Variants in SERPINA7 observed in about 807,000 individuals in gnomAD.
SERPINA7 encodes the protein serpin family A member 7.
SERPINA7 carries 14 observed loss-of-function variants against 16.0 expected under a neutral mutation model. The observed-to-expected ratio is 0.88, with a 90% CI of 0.58 to 1.37. The LOEUF (loss-of-function observed/expected upper bound fraction) is 1.37, where lower values mean the gene tolerates loss of function less well. Ranked by LOEUF, SERPINA7 falls within the 40% of genes most tolerant of loss-of-function variation. SERPINA7 has a pLI of 0.00. For synonymous variants in SERPINA7, 140 were observed against 111.0 expected (o/e 1.26, Z -1.65); for missense variants, 335 against 296.6 (o/e 1.13, Z -0.95).
intron 2 of SERPINA7, 71 bp from the exon 3 acceptor site, chrX:106,035,456 G>A: frequency 9.6e-7 from 1 of 1,039,040 alleles, no homozygotes; most frequent in African/African-American, 1.8e-5. Flanking sequence ...TTTTCCATTA[G>A]TGATTTCATT....
chrX:106,034,560 C>G (rs1311446465), intron 3 of SERPINA7, among the ~76,000 whole-genome samples, 178 bp from the exon 4 acceptor site: 1 of 112,358 alleles, frequency 8.9e-6, no homozygotes, highest in Admixed American at 9.4e-5. Context: ...GAAAGGAATG[C>G]ACTCAGGTAC....
chrX:106,037,036 A>G lies in SERPINA7; in HGVS notation c.23T>C (p.Val8Ala). The G allele has an allele frequency of 1.7e-6, 2 of 1,209,956 alleles. No homozygotes were observed. MSPFLYL[V>A]LLVLGLHATI... The stretch of plus-strand genomic sequence containing the variant: ...AGCATGAAGCCCAAGTACCAAGAGA[A>G]CCAGATACAGGAATGGTGACATTTT... Residue 8 changes from valine to alanine, a missense_variant, in exon 2 of 5, where the codon GTT becomes GCT. By Grantham distance (64) the Val-to-Ala change is moderately conservative. Coordinates refer to ENST00000372563, the MANE Select transcript of SERPINA7 (RefSeq NM_000354.6).
intron 3 of SERPINA7, among the ~76,000 whole-genome samples, chrX:106,034,639 C>G (rs1012616801): frequency 8.9e-6 from 1 of 111,939 alleles, no homozygotes; most frequent in Non-Finnish European, 1.9e-5. Context: ...GAAAATATCC[C>G]TGAGGTGACG....
chrX:106,033,854 T>G (rs1047652861), intron 4 of SERPINA7, 151 bp from the exon 5 acceptor site: 1 of 1,031,993 alleles, frequency 9.7e-7, no homozygotes, highest in African/African-American at 1.9e-5. Context: ...CTCTGCTAAA[T>G]GTAGTCAATC....
chrX:106,033,723 C>T lies in SERPINA7; in HGVS notation c.1045-20G>A. On this transcript the variant is annotated intron_variant, in intron 4 of 4. Coordinates refer to ENST00000372563, the MANE Select transcript of SERPINA7 (RefSeq NM_000354.6). ...GGCAGCCTGTGTGGGGAGAACAAAT[C>T]CTGCGGGTCTCTGAAGAAACAGGAA... The T allele has an allele frequency of 8.3e-7, 1 of 1,210,980 alleles. No homozygotes were observed. Among genetic ancestry groups the T allele is most frequent in the Non-Finnish European group, 1.1e-6 (1 of 895,050 alleles).
chrX:106,033,912 T>A, intron 4 of SERPINA7: 1 of 733,482 alleles, frequency 1.4e-6, no homozygotes, highest in Non-Finnish European at 1.9e-6. Flanking sequence ...CCTCATTCAC[T>A]ATGGCCTGCT....
intron 3 of SERPINA7, 69 bp from the exon 4 acceptor site, chrX:106,034,451 C>A (rs2041433174): frequency 2.1e-6 from 2 of 952,703 alleles, no homozygotes; most frequent in East Asian, 6.2e-5. Context: ...CCTTCTCTCT[C>A]TCATGATGGT....
chrX:106,038,489 C>T (rs887191042), intron 1 of SERPINA7, among the ~76,000 whole-genome samples: 1 of 111,137 alleles, frequency 9.0e-6, no homozygotes, highest in African/African-American at 3.3e-5. Flanking sequence ...GTTCACCACT[C>T]TATCCAATCT....
chrX:106,034,126 G>T (rs774424226), intron 4 of SERPINA7, 109 bp downstream of exon 4: 2 of 764,650 alleles, frequency 2.6e-6, no homozygotes, highest in Non-Finnish European at 4.0e-6. Flanking sequence ...GAGTCACACC[G>T]CCTCTCTAGG....
chrX:106,033,630 G>A lies in SERPINA7; in HGVS notation c.1118C>T (p.Ser373Leu), dbSNP rs781359342. ...EAAAVPEVEL[S>L]DQPENTFLHP... ...TAGGAAAGTGTTTTCAGGCTGATCC[G>A]AAAGTTCAACTTCAGGGACAGCTGC... The change falls in exon 5 of 5, where the codon TCG becomes TTG. Residue 373 changes from serine (S) to leucine (L), a missense_variant. Transcript: ENST00000372563. 5.8e-6 allele frequency: 7 copies of A among 1,211,295 alleles called. No individual in the cohort carries two copies. Among genetic ancestry groups the A allele is most frequent in the Non-Finnish European group, 7.8e-6 (7 of 895,256 alleles).
chrX:106,035,655 G>A (rs1020109125), intron 2 of SERPINA7, among the ~76,000 whole-genome samples: 5 of 111,651 alleles, frequency 4.5e-5, no homozygotes, highest in African/African-American at 1.6e-4. Context: ...AAGCCCATCA[G>A]AGCCATAGTT....
At chrX:106,038,180 T>C in intron 1 of SERPINA7, among the ~76,000 whole-genome samples, 1 of 111,232 alleles carries the variant, frequency 9.0e-6, no homozygotes, top group Non-Finnish European at 1.9e-5. Flanking sequence ...TGTAAACATA[T>C]CATCTCCCTA....
intron 2 of SERPINA7, 69 bp downstream of exon 2, chrX:106,036,368 T>C: frequency 1.8e-6 from 2 of 1,120,491 alleles, no homozygotes; most frequent in East Asian, 3.0e-5. Flanking sequence ...TAAGAGACCA[T>C]GAGCTCCCCT....
chrX:106,033,331 G>A lies in SERPINA7; in HGVS notation c.*169C>T. On this transcript the variant is annotated 3_prime_UTR_variant, in exon 5 of 5. Transcript: ENST00000372563. ...TACTCATTGACATTCTGAATGCTCT[G>A]CCATAGGATTGGCCTCTTCCACAGC... 1 of 543,049 alleles carries A rather than the reference G, an allele frequency of 1.8e-6. No homozygotes were observed. The allele number at this position is 543,049 out of a possible 1,213,427, so 44.8% of individuals were successfully genotyped here. A position where few individuals can be genotyped will look rare whatever the true frequency, so the allele number is the denominator to read the frequency against.
intron 4 of SERPINA7, 113 bp from the exon 5 acceptor site, chrX:106,033,816 T>G: frequency 2.6e-5 from 30 of 1,150,144 alleles, no homozygotes; most frequent in Non-Finnish European, 3.4e-5. Context: ...TGCTATACTA[T>G]GTTGATGGTG....
chrX:106,037,675 A>G (rs775648904), intron 1 of SERPINA7, among the ~76,000 whole-genome samples: 65 of 111,539 alleles, frequency 5.8e-4, no homozygotes, highest in Non-Finnish European at 1.0e-3. Flanking sequence ...CAATGCATGG[A>G]AGCCATAGAG....
rs2041457732 is a variant in SERPINA7 at position 106,037,072 on chromosome X, T to C, written c.-14A>G. 1 of 1,204,654 alleles carries C rather than the reference T, an allele frequency of 8.3e-7. No individual in the cohort carries two copies. Among genetic ancestry groups the C allele is most frequent in the Non-Finnish European group, 1.1e-6 (1 of 891,239 alleles). On this transcript the variant is annotated 5_prime_UTR_variant, in exon 2 of 5. Coordinates refer to ENST00000372563, the MANE Select transcript of SERPINA7 (RefSeq NM_000354.6). ...GAATGGTGACATTTTGGAAGGAAGT[T>C]AATCTATAAGAGATGAAGTGAGACA...
intron 3 of SERPINA7, 22 bp from the exon 4 acceptor site, chrX:106,034,404 A>C (rs1569336949): frequency 8.5e-7 from 1 of 1,177,313 alleles, no homozygotes; most frequent in African/African-American, 1.7e-5. Flanking sequence ...GAGGAAGGGA[A>C]CACATGGCAA....
chrX:106,035,682 G>T (rs2041444137), intron 2 of SERPINA7, among the ~76,000 whole-genome samples: 1 of 111,740 alleles, frequency 8.9e-6, no homozygotes, highest in South Asian at 3.7e-4. Flanking sequence ...TCCATAAAAA[G>T]GTATAACGAC....
Sources: allele counts gnomAD v4.1 joint callset (sites outside exome capture counted in the v4.1 genomes callset), GRCh38; gene constraint gnomAD v4.1.1; transcripts MANE v1.5; gene names NCBI Gene and HGNC (gene_info 2026-07-23, HGNC 2026-07-21).